Variants in IQSEC3 observed in about 807,000 individuals in gnomAD.
IQSEC3 encodes the protein IQ motif and SEC7 domain-containing protein 3.
A neutral mutation model predicts 105.4 loss-of-function variants in IQSEC3; 50 were observed. The observed-to-expected ratio is 0.47, with a 90% CI of 0.38 to 0.60. The LOEUF (loss-of-function observed/expected upper bound fraction) is 0.60. Among genes scored for constraint, IQSEC3 ranks in the 20% least tolerant of loss-of-function variants. IQSEC3 has a pLI of 0.00. For missense variants in IQSEC3, 1,415 were observed against 1,630.0 expected, an observed-to-expected ratio of 0.87 and a Z score of 2.27; for synonymous variants, 708 against 746.0, an observed-to-expected ratio of 0.95 and a Z score of 0.83.
intron 2 of IQSEC3, among the ~76,000 whole-genome samples, chr12:110,276 T>TTA (rs1864836925): frequency 2.0e-5 from 3 of 152,182 alleles, no homozygotes; most frequent in Admixed American, 2.0e-4. Flanking sequence ...CTTTTGCAGT[T>TTA]TCTTAGTAAT....
At chr12:74,969 G>A (rs543893865) in intron 1 of IQSEC3, among the ~76,000 whole-genome samples, 1 of 152,388 alleles carries the variant, frequency 6.6e-6, no homozygotes, top group African/African-American at 2.4e-5. Flanking sequence ...CTGCTTCACA[G>A]GTGTGCAAGG....
chr12:81,190 GC>G (rs1863733965), intron 1 of IQSEC3, among the ~76,000 whole-genome samples: 1 of 152,212 alleles, frequency 6.6e-6, no homozygotes, highest in South Asian at 2.1e-4. Context: ...CAAACATCCT[GC>G]AGTGTGTGGG....
intron 2 of IQSEC3, among the ~76,000 whole-genome samples, chr12:116,973 T>A (rs1555080783): frequency 6.6e-6 from 1 of 152,214 alleles, no homozygotes; most frequent in African/African-American, 2.4e-5. Flanking sequence ...ATGTGGATAT[T>A]TTTCTGTATG....
At position 139,016 on chromosome 12, in the gene IQSEC3, G is replaced by T; in HGVS notation, c.1653G>T (p.Glu551Asp). Residue 551 changes from glutamate to aspartate, a missense_variant, in exon 4 of 14, where the codon GAG becomes GAT. By Grantham distance (45) the Glu-to-Asp change is conservative. Around this residue, in one of 6 missense-constraint regions of IQSEC3, gnomAD observed 720 missense variants for 633.0 expected, o/e 1.14. Coordinates refer to ENST00000538872, the MANE Select transcript of IQSEC3 (RefSeq NM_001170738.2). Reference protein sequence around the residue: ...PAVGREDASAEDSCAEAAASG... With the variant: ...PAVGREDASADDSCAEAAASG... ...TGGGCCGGGAGGACGCGTCAGCCGA[G>T]GACTCATGCGCAGAGGCTGCGGCTA... The T allele has an allele frequency of 6.6e-7, 1 of 1,515,040 alleles. No individual in the cohort carries two copies. Among genetic ancestry groups the T allele is most frequent in the African/African-American group, 1.4e-5 (1 of 72,382 alleles). 93.8% of individuals were successfully genotyped at this position (1,515,040 alleles called of 1,614,324 possible). A position where few individuals can be genotyped will look rare whatever the true frequency, so the allele number is the denominator to read the frequency against.
intron 13 of IQSEC3, among the ~76,000 whole-genome samples, chr12:173,381 C>T (rs1182236604): frequency 6.6e-6 from 1 of 152,168 alleles, no homozygotes; most frequent in Non-Finnish European, 1.5e-5. Context: ...TGCGGAGCCT[C>T]GGGAGGGAAG....
intron 3 of IQSEC3, among the ~76,000 whole-genome samples, chr12:127,843 T>C (rs886350663): frequency 1.3e-5 from 2 of 152,164 alleles, no homozygotes; most frequent in Non-Finnish European, 2.9e-5. Flanking sequence ...TTCACTCTGA[T>C]GGTAGTTTCT....
chr12:97,621 G>A lies in IQSEC3; in HGVS notation c.555-1525G>A, dbSNP rs375448895. On this transcript the variant is annotated intron_variant, in intron 1 of 13. Coordinates refer to ENST00000538872, the MANE Select transcript of IQSEC3 (RefSeq NM_001170738.2). ...CCTGAGGCCAGGAGTTCGAGACCAG[G>A]CTGGGCAACATAGTGAGACCTCTAT... 2.6e-5 allele frequency among the ~76,000 whole-genome samples: 4 copies of A among 152,248 alleles called. No individual in the cohort carries two copies. The East Asian group carries it at 7.7e-4, about 29-fold the overall frequency.
At chr12:168,057 TC>T (rs1938768153) in intron 11 of IQSEC3, among the ~76,000 whole-genome samples, 1 of 152,200 alleles carries the variant, frequency 6.6e-6, no homozygotes, top group Non-Finnish European at 1.5e-5. Flanking sequence ...CGGTTCAGTG[TC>T]CCTGGTTTCT....
intron 2 of IQSEC3, among the ~76,000 whole-genome samples, chr12:119,199 G>A (rs922257316): frequency 6.6e-6 from 1 of 152,194 alleles, no homozygotes; most frequent in Non-Finnish European, 1.5e-5. Flanking sequence ...TGAGGATTCC[G>A]TCAGTGCCAA....
At chr12:92,769 T>G (rs1378936477) in intron 1 of IQSEC3, among the ~76,000 whole-genome samples, 2 of 152,154 alleles carry the variant, frequency 1.3e-5, no homozygotes, top group Non-Finnish European at 2.9e-5. Flanking sequence ...TCTGCCCTGG[T>G]GTGACGATTC....
Position 177,847 on chromosome 12 carries a change from TG to T in IQSEC3, c.*2820del, listed in dbSNP as rs199834962. On this transcript the variant is annotated 3_prime_UTR_variant, in exon 14 of 14. Transcript: ENST00000538872. This position sits in a 1 kb window ranked among gnomAD's most constrained non-coding sequence, Gnocchi z 5.3. ...GGGCCTCCAGCCCCCAGAGGGCCGG[TG>T]GGGGGTGCTCTCGGGCCTTCCTGCT... The T allele has an allele frequency of 0.015, 2,223 of 152,510 alleles. 69 individuals are homozygous for T. The South Asian group carries it at 0.15, about 11-fold the overall frequency. The allele number at this position is 152,510 out of a possible 1,614,324, so 9.4% of individuals were successfully genotyped here.
Position 124,109 on chromosome 12 carries a change from G to A in IQSEC3, c.624-1524G>A, listed in dbSNP as rs143239297. On this transcript the variant is annotated intron_variant, in intron 2 of 13. Transcript: ENST00000538872. ...GAAATAAGAGTTTATTTACTGGGCC[G>A]GGCACAGTGGCTCACACCTGTAATC... Among the ~76,000 whole-genome samples the A allele has an allele frequency of 5.7e-3, 867 of 152,162 alleles. 5 individuals are homozygous for A. Among genetic ancestry groups the A allele is most frequent in the Non-Finnish European group, 8.3e-3 (567 of 68,004 alleles).
intron 2 of IQSEC3, among the ~76,000 whole-genome samples, chr12:113,527 G>A (rs960403077): frequency 1.3e-5 from 2 of 151,920 alleles, no homozygotes; most frequent in Non-Finnish European, 2.9e-5. Context: ...ACTGCCACAC[G>A]GCCTGGTGGG....
At chr12:72,272 T>A (rs1323938414) in intron 1 of IQSEC3, among the ~76,000 whole-genome samples, 1 of 151,518 alleles carries the variant, frequency 6.6e-6, no homozygotes, top group East Asian at 1.9e-4. Context: ...AAAGGTCACT[T>A]ACGAGAAAAG....
At chr12:174,514 C>G (rs1045936019) in intron 13 of IQSEC3, 85 bp from the exon 14 acceptor site, 1 of 1,249,562 alleles carries the variant, frequency 8.0e-7, no homozygotes, top group Non-Finnish European at 1.1e-6. Flanking sequence ...GGGAGGGAGG[C>G]CAGGGGAGGC....
chr12:70,458 A>G (rs1310352278), intron 1 of IQSEC3, among the ~76,000 whole-genome samples: 8 of 152,248 alleles, frequency 5.3e-5, no homozygotes, highest in Non-Finnish European at 7.3e-5. Context: ...AAGGGTTAAA[A>G]TTATTTCTCT....
At chr12:93,845 C>T (rs1555074153) in intron 1 of IQSEC3, among the ~76,000 whole-genome samples, 1 of 152,000 alleles carries the variant, frequency 6.6e-6, no homozygotes, top group African/African-American at 2.4e-5. Flanking sequence ...CTGTTAGTTC[C>T]CCTGAGAGCT....
intron 7 of IQSEC3, 44 bp from the exon 8 acceptor site, chr12:161,882 C>T (rs1555096334): frequency 8.8e-6 from 13 of 1,471,430 alleles, no homozygotes; most frequent in South Asian, 6.2e-5. Flanking sequence ...CTGACACCCT[C>T]CCTCCCAACC....
At chr12:79,741 AAGATTC>A (rs1175759103) in intron 1 of IQSEC3, among the ~76,000 whole-genome samples, 2 of 152,202 alleles carry the variant, frequency 1.3e-5, no homozygotes, top group African/African-American at 4.8e-5. Context: ...GACCTAGTAC[AAGATTC>A]AAAAGAAAAG....
Sources: gnomAD v4.1 joint callset for allele counts (sites outside exome capture counted in the v4.1 genomes callset) on GRCh38, gnomAD v4.1.1 for gene constraint, gnomAD v4.1.1 regional missense constraint, Gnocchi (gnomAD v3.1) non-coding constraint, MANE v1.5 for transcripts, NCBI Gene and HGNC (gene_info 2026-07-23, HGNC 2026-07-21) for gene names.